Variants in UBR3 observed in about 807,000 individuals in gnomAD.
UBR3 encodes the protein ubiquitin protein ligase E3 component n-recognin 3, also known as E3 ubiquitin-protein ligase UBR3.
A neutral mutation model predicts 243.2 loss-of-function variants in UBR3; 85 were observed. The observed-to-expected ratio is 0.35, with a 90% CI of 0.29 to 0.42. The LOEUF is 0.42. UBR3 is among the 10% of genes least tolerant of loss of function. The probability of loss-of-function intolerance (pLI) is 1.00; values close to 1 mark genes in which losing one functional copy is unlikely to be tolerated. For missense variants in UBR3, 1,686 were observed against 2,300.8 expected (o/e 0.73, Z 5.47); for synonymous variants, 748 against 799.8 (o/e 0.94, Z 1.09).
At chr2:169,851,986 GT>G (rs1428751727) in intron 1 of UBR3, among the ~76,000 whole-genome samples, 20 of 152,160 alleles carry the variant, frequency 1.3e-4, no homozygotes, top group Admixed American at 1.3e-3. Context: ...CTTTTGAGAT[GT>G]TTTCATATTG....
At chr2:169,909,081 C>T (rs1453973638) in intron 10 of UBR3, among the ~76,000 whole-genome samples, 2 of 152,108 alleles carry the variant, frequency 1.3e-5, no homozygotes, top group African/African-American at 4.8e-5. Context: ...CCTCGGCCTC[C>T]CAAAGTGCTG....
At position 170,024,690 on chromosome 2, in the gene UBR3, G is replaced by T. The variant is rs919403235; in HGVS notation, c.4454-4656G>T. On this transcript the variant is annotated intron_variant, in intron 30 of 38. Coordinates refer to ENST00000272793, the MANE Select transcript of UBR3 (RefSeq NM_172070.4). ...GGGATTTCTTAAACCTTACTTTTTG[G>T]TTCTAGCTAGGAGTACTTATAATTA... 2.0e-5 allele frequency among the ~76,000 whole-genome samples: 3 copies of T among 151,944 alleles called. No individual in the cohort carries two copies. In the South Asian group the frequency reaches 6.2e-4, roughly 32 times the overall value.
intron 23 of UBR3, among the ~76,000 whole-genome samples, chr2:169,958,231 A>T (rs562598949): frequency 1.3e-5 from 2 of 152,188 alleles, no homozygotes; most frequent in African/African-American, 4.8e-5. Context: ...ATTTTTATCT[A>T]TTAAACCAGT....
At chr2:170,036,841 T>G (rs1389766875) in intron 31 of UBR3, among the ~76,000 whole-genome samples, 1 of 152,122 alleles carries the variant, frequency 6.6e-6, no homozygotes, top group Non-Finnish European at 1.5e-5. Context: ...TTTTAAATTT[T>G]CATGTAGCCA....
At chr2:169,913,377 T>C (rs1324717770) in intron 10 of UBR3, among the ~76,000 whole-genome samples, 3 of 151,726 alleles carry the variant, frequency 2.0e-5, no homozygotes, top group Non-Finnish European at 4.4e-5. Context: ...TTTTTGTTTT[T>C]GGTAAGCAAG....
At chr2:169,849,178 T>C (rs1413905691) in intron 1 of UBR3, among the ~76,000 whole-genome samples, 2 of 152,232 alleles carry the variant, frequency 1.3e-5, no homozygotes, top group Non-Finnish European at 2.9e-5. Flanking sequence ...GGGCCCTAGC[T>C]GTTTTTGTAA....
chr2:169,827,966 C>G lies in UBR3; in HGVS notation c.459C>G (p.Asp153Glu). Reference protein sequence around the residue: ...SLCAECFHQGDHTGHDFNMFR... With the variant: ...SLCAECFHQGEHTGHDFNMFR... ...GCGCCGAGTGCTTCCACCAGGGCGA[C>G]CACACCGGACACGACTTCAACATGT... The change falls in exon 1 of 39, where the codon GAC (aspartate) becomes GAG (glutamate). Residue 153 changes from aspartate (D) to glutamate (E), a missense_variant. Around this residue, in one of 8 missense-constraint regions of UBR3, gnomAD observed 145 missense variants for 243.8 expected, o/e 0.59. Coordinates refer to ENST00000272793, the MANE Select transcript of UBR3 (RefSeq NM_172070.4). 6.8e-7 allele frequency: 1 copy of G among 1,469,018 alleles called. No homozygotes were observed. The highest frequency in any genetic ancestry group is 1.4e-5 in the African/African-American group (1 of 69,076). 91.0% of individuals were successfully genotyped at this position (1,469,018 alleles called of 1,614,324 possible).
chr2:170,033,371 T>C (rs2090731196), intron 31 of UBR3, among the ~76,000 whole-genome samples: 1 of 151,990 alleles, frequency 6.6e-6, no homozygotes, highest in Non-Finnish European at 1.5e-5. Flanking sequence ...GGTACTGTTT[T>C]ATACCAGTTT....
chr2:169,866,554 G>C (rs188186762), intron 1 of UBR3, among the ~76,000 whole-genome samples: 24 of 152,112 alleles, frequency 1.6e-4, no homozygotes, highest in East Asian at 9.7e-4. Context: ...GTGGAGACAG[G>C]GTTTCACCAT....
At chr2:169,917,648 A>G (rs1310268417) in intron 11 of UBR3, among the ~76,000 whole-genome samples, 1 of 151,566 alleles carries the variant, frequency 6.6e-6, no homozygotes, top group African/African-American at 2.4e-5. Context: ...TGGATTCTTA[A>G]AAGAAGAGAA....
intron 35 of UBR3, among the ~76,000 whole-genome samples, chr2:170,064,829 A>G (rs1367184961): frequency 4.0e-5 from 3 of 74,684 alleles, no homozygotes; most frequent in Admixed American, 1.4e-4. Context: ...TTTTTTTGCT[A>G]TATATGAGCT....
chr2:169,936,200 C>T (rs1452676896), intron 19 of UBR3, among the ~76,000 whole-genome samples: 1 of 152,070 alleles, frequency 6.6e-6, no homozygotes, highest in Non-Finnish European at 1.5e-5. Context: ...GCTGGGATTA[C>T]AGGCATGCGC....
chr2:170,081,225 G>A (rs1437124222), intron 38 of UBR3, among the ~76,000 whole-genome samples: 1 of 151,918 alleles, frequency 6.6e-6, no homozygotes, highest in South Asian at 2.1e-4. Context: ...TGTGGTAGGT[G>A]TGGTGGCTCA....
At chr2:169,867,763 G>A (rs1270231901) in intron 1 of UBR3, among the ~76,000 whole-genome samples, 1 of 152,126 alleles carries the variant, frequency 6.6e-6, no homozygotes, top group East Asian at 1.9e-4. Context: ...ATAGGATGTT[G>A]AACCTTCCAG....
At chr2:169,894,331 A>AAAG (rs1178019209) in intron 6 of UBR3, among the ~76,000 whole-genome samples, 1 of 134,238 alleles carries the variant, frequency 7.4e-6, no homozygotes, top group African/African-American at 2.7e-5. Context: ...AGAAAAAAAA[A>AAAG]AAAAAAAAAA....
intron 4 of UBR3, 102 bp from the exon 5 acceptor site, chr2:169,878,423 A>G: frequency 9.0e-6 from 11 of 1,218,784 alleles, no homozygotes; most frequent in Non-Finnish European, 1.3e-5. Flanking sequence ...GTCCTAACGT[A>G]ACAAAACTTA....
intron 35 of UBR3, among the ~76,000 whole-genome samples, chr2:170,062,199 CTG>C (rs1320565676): frequency 2.0e-5 from 3 of 152,124 alleles, no homozygotes; most frequent in Admixed American, 6.5e-5. Context: ...TTTCATAAAA[CTG>C]TGGATTGATA....
chr2:169,882,254 A>G (rs1172721265), intron 5 of UBR3, among the ~76,000 whole-genome samples: 6 of 135,512 alleles, frequency 4.4e-5, no homozygotes, highest in Non-Finnish European at 7.7e-5. Flanking sequence ...ATATGTATAT[A>G]TATTTATATA....
intron 22 of UBR3, 111 bp downstream of exon 22, chr2:169,947,826 A>G: frequency 8.0e-7 from 1 of 1,249,914 alleles, no homozygotes; most frequent in Non-Finnish European, 1.0e-6. Flanking sequence ...GGTTGTAGAT[A>G]ACTTTAAATT....
Sources: gnomAD v4.1 joint callset for allele counts (sites outside exome capture counted in the v4.1 genomes callset) on GRCh38, gnomAD v4.1.1 for gene constraint, gnomAD v4.1.1 regional missense constraint, MANE v1.5 for transcripts, NCBI Gene and HGNC (gene_info 2026-07-23, HGNC 2026-07-21) for gene names.